Variants in TESPA1 observed in about 807,000 individuals in gnomAD.
TESPA1 encodes the protein thymocyte expressed, positive selection associated 1.
In TESPA1, 33 loss-of-function variants were observed where a neutral mutation model predicts 57.9. The observed-to-expected ratio is 0.57, with a 90% CI of 0.43 to 0.76. The LOEUF (loss-of-function observed/expected upper bound fraction) is 0.76, where lower values mean the gene tolerates loss of function less well. Ranked by LOEUF, TESPA1 falls within the 30% of genes least tolerant of loss-of-function variation. TESPA1 has a pLI of 0.00. For synonymous variants in TESPA1, 227 were observed against 228.9 expected, an observed-to-expected ratio of 0.99 and a Z score of 0.07; for missense variants, 618 against 632.9, an observed-to-expected ratio of 0.98 and a Z score of 0.25.
chr12:54,952,182 A>T (rs1950442478), intron 10 of TESPA1, among the ~76,000 whole-genome samples: 1 of 152,192 alleles, frequency 6.6e-6, no homozygotes, highest in Non-Finnish European at 1.5e-5. Context: ...CTTTTTTACC[A>T]TGTGATATCC....
intron 2 of TESPA1, chr12:54,973,761 C>T (rs763784322): frequency 3.0e-4 from 390 of 1,280,676 alleles, no homozygotes; most frequent in Non-Finnish European, 3.7e-4. Flanking sequence ...CCCAAGATGT[C>T]AGGCCCACTG....
At position 54,962,561 on chromosome 12, in the gene TESPA1, T is replaced by A. The variant is rs1367243323; in HGVS notation, c.1337A>T (p.Asn446Ile). 1 of 1,613,968 alleles carries A rather than the reference T, an allele frequency of 6.2e-7. No individual in the cohort carries two copies. Among genetic ancestry groups the A allele is most frequent in the South Asian group, 1.1e-5 (1 of 91,084 alleles). Residue 446 changes from asparagine (N) to isoleucine (I), a missense_variant, in exon 9 of 11, where the codon AAT (asparagine) becomes ATT (isoleucine). By Grantham distance (149) the Asn-to-Ile change is moderately radical. This residue lies in a region of TESPA1 where 409 missense variants were observed against 420.1 expected (regional missense o/e 0.97). Coordinates refer to ENST00000449076, the MANE Select transcript of TESPA1 (RefSeq NM_001136030.3). ...GGACTTAACCTTCCTGCCCATGAGA[T>A]TCTTCTGGAAGAGGCTCTTTCTTGC... ...SRARKSLFQK[N>I]LMGRKVKSLD... is the part of the protein sequence containing the mutation.
At chr12:54,982,420 C>G (rs1300977212) in intron 1 of TESPA1, among the ~76,000 whole-genome samples, 1 of 152,244 alleles carries the variant, frequency 6.6e-6, no homozygotes, top group Non-Finnish European at 1.5e-5. Context: ...TTTTCATACT[C>G]TTTCTCCCAC....
intron 8 of TESPA1, 61 bp downstream of exon 8, chr12:54,963,681 C>T (rs1951231477): frequency 1.3e-6 from 2 of 1,534,562 alleles, no homozygotes; most frequent in African/African-American, 1.4e-5. Context: ...AGCCACTGAG[C>T]CCTGCTGTGA....
chr12:54,949,078 A>C lies in TESPA1; in HGVS notation c.*1314T>G, dbSNP rs1394710050. 9.0e-6 allele frequency: 1 copy of C among 111,540 alleles called. No individual in the cohort carries two copies. Among genetic ancestry groups the C allele is most frequent in the Non-Finnish European group, 2.1e-5 (1 of 47,504 alleles). 6.9% of individuals were successfully genotyped at this position (111,540 alleles called of 1,614,324 possible). A position where few individuals can be genotyped will look rare whatever the true frequency, so the allele number is the denominator to read the frequency against. ...GGTTTCTGTGGGTGGGAAGGGTAGGAAACTTGGAGTGGGGGGGCTTTTTCC... is the reference window on the plus strand; with the variant it reads ...GGTTTCTGTGGGTGGGAAGGGTAGGCAACTTGGAGTGGGGGGGCTTTTTCC... On this transcript the variant is annotated 3_prime_UTR_variant, in exon 11 of 11. Coordinates refer to ENST00000449076, the MANE Select transcript of TESPA1 (RefSeq NM_001136030.3).
Position 54,974,412 on chromosome 12 carries a change from C to G in TESPA1, c.151G>C (p.Val51Leu). The G allele has an allele frequency of 1.9e-6, 3 of 1,605,522 alleles. No homozygotes were observed. The highest frequency in any genetic ancestry group is 2.6e-6 in the Non-Finnish European group (3 of 1,176,362). The stretch of plus-strand genomic sequence containing the variant: ...GTTCGTCTCTTACCTTCTTGGAAAA[C>G]GTCATCCAGGCTGGAAGGCTCAGGA... ...PDPEPSSLDD[V>L]FQEGNPINKI... is the part of the protein sequence containing the mutation. Residue 51 changes from valine (V) to leucine (L), a missense_variant, in exon 2 of 11, where the codon GTT becomes CTT. Coordinates refer to ENST00000449076, the MANE Select transcript of TESPA1 (RefSeq NM_001136030.3).
At chr12:54,975,016 C>A (rs1476620249) in intron 1 of TESPA1, among the ~76,000 whole-genome samples, 1 of 152,128 alleles carries the variant, frequency 6.6e-6, no homozygotes, top group Non-Finnish European at 1.5e-5. Flanking sequence ...TTATAAAATT[C>A]ACTTCATTTT....
intron 10 of TESPA1, among the ~76,000 whole-genome samples, chr12:54,954,027 T>C (rs1254482694): frequency 6.6e-6 from 1 of 152,232 alleles, no homozygotes; most frequent in Non-Finnish European, 1.5e-5. Context: ...GGTGACTTTA[T>C]AAGAAGGCAA....
intron 10 of TESPA1, among the ~76,000 whole-genome samples, chr12:54,951,130 A>G (rs1386804): frequency 0.21 from 31,200 of 152,068 alleles, 5,443 homozygotes; most frequent in East Asian, 0.84. Flanking sequence ...GTGATCCTGA[A>G]TGTTGGAGGT....
At chr12:54,984,465 A>AT (rs1280822065) in intron 1 of TESPA1, 120 bp downstream of exon 1, 2 of 151,988 alleles carry the variant, frequency 1.3e-5, no homozygotes, top group African/African-American at 4.8e-5. Context: ...GTGGTGGGAG[A>AT]TTTTCTCTTG....
chr12:54,959,999 CAGTT>C (rs1409231509), intron 10 of TESPA1, among the ~76,000 whole-genome samples: 4 of 152,106 alleles, frequency 2.6e-5, no homozygotes, highest in Non-Finnish European at 5.9e-5. Context: ...AGAATTAAAA[CAGTT>C]AGAATTGTAA....
At chr12:54,980,735 C>T (rs185407437) in intron 1 of TESPA1, among the ~76,000 whole-genome samples, 3 of 152,322 alleles carry the variant, frequency 2.0e-5, no homozygotes, top group East Asian at 1.9e-4. Flanking sequence ...GCTCTGCTTA[C>T]AGATACTTCA....
At chr12:54,963,302 C>T (rs1026336632) in intron 8 of TESPA1, 60 bp from the exon 9 acceptor site, 4 of 1,501,158 alleles carry the variant, frequency 2.7e-6, no homozygotes, top group Non-Finnish European at 3.6e-6. Flanking sequence ...TCTTAAATCT[C>T]TCCCTTCAGG....
intron 9 of TESPA1, 51 bp downstream of exon 9, chr12:54,962,379 AG>A: frequency 6.4e-7 from 1 of 1,568,618 alleles, no homozygotes; most frequent in Non-Finnish European, 8.6e-7. Flanking sequence ...CTTCTGGGAA[AG>A]AATCTACAGC....
intron 3 of TESPA1, among the ~76,000 whole-genome samples, chr12:54,969,832 C>T (rs1250946866): frequency 6.6e-6 from 1 of 152,114 alleles, no homozygotes; most frequent in African/African-American, 2.4e-5. Flanking sequence ...ACGAAACGGA[C>T]GGAAAGGAGG....
chr12:54,976,028 G>A (rs754101116), intron 1 of TESPA1, among the ~76,000 whole-genome samples: 9 of 152,206 alleles, frequency 5.9e-5, no homozygotes, highest in East Asian at 1.9e-4. Context: ...CCCCGGGCAC[G>A]TGGCTCTTTG....
intron 10 of TESPA1, among the ~76,000 whole-genome samples, chr12:54,951,371 C>A (rs921652521): frequency 6.6e-6 from 1 of 152,032 alleles, no homozygotes; most frequent in African/African-American, 2.4e-5. Context: ...CCTGTGGAAC[C>A]ATGAGCCAAT....
chr12:54,966,139 C>A lies in TESPA1; in HGVS notation c.360G>T (p.Glu120Asp). The A allele has an allele frequency of 6.4e-7, 1 of 1,568,666 alleles. No individual in the cohort carries two copies. The highest frequency in any genetic ancestry group is 1.2e-5 in the South Asian group (1 of 85,278). The change falls in exon 7 of 11, where the codon GAG becomes GAT. Residue 120 changes from glutamate to aspartate, a missense_variant. By Grantham distance (45) the Glu-to-Asp change is conservative. This residue lies in a region of TESPA1 where 199 missense variants were observed against 184.0 expected (regional missense o/e 1.08). Coordinates refer to ENST00000449076, the MANE Select transcript of TESPA1 (RefSeq NM_001136030.3). ...NGKLFSRSFL[E>D]TARPCQLLDL... Reference sequence around the variant, plus strand: ...CAAGTAGCTGGCAAGGCCTGGCTGTCTCGAGGAAACTCCTGCAGAGATCAA... The same window carrying A: ...CAAGTAGCTGGCAAGGCCTGGCTGTATCGAGGAAACTCCTGCAGAGATCAA...
chr12:54,982,075 C>A (rs577149944), intron 1 of TESPA1: 1 of 152,236 alleles, frequency 6.6e-6, no homozygotes, highest in Non-Finnish European at 1.5e-5. Flanking sequence ...CGCAGAGCTG[C>A]GGGAAATCCC....
Sources: gnomAD v4.1 joint callset for allele counts (sites outside exome capture counted in the v4.1 genomes callset) on GRCh38, gnomAD v4.1.1 for gene constraint, gnomAD v4.1.1 regional missense constraint, MANE v1.5 for transcripts, NCBI Gene and HGNC (gene_info 2026-07-23, HGNC 2026-07-21) for gene names.